The following RGPD1 variants were observed in gnomAD, a reference collection of about 807,000 sequenced individuals.
RGPD1 encodes the protein RANBP2-like and GRIP domain-containing protein 1.
In RGPD1, 7 loss-of-function variants were observed where a neutral mutation model predicts 40.6. The ratio of observed to expected loss-of-function variants is 0.17; its 90% CI spans 0.10 to 0.32. The LOEUF (loss-of-function observed/expected upper bound fraction) is 0.32. Ranked by LOEUF, RGPD1 falls within the 10% of genes least tolerant of loss-of-function variation. The pLI is 1.00. For missense variants in RGPD1, 50 were observed against 472.5 expected (o/e 0.11, Z 8.29); for synonymous variants, 24 against 167.0 (o/e 0.14, Z 6.60).
At chr2:86,924,722 C>G (rs1361416160) in intron 1 of RGPD1, among the ~76,000 whole-genome samples, 5 of 151,638 alleles carry the variant, frequency 3.3e-5, no homozygotes, top group African/African-American at 1.2e-4. Context: ...TCCTCCTGCC[C>G]CTATCTCCCA....
chr2:86,919,876 ACT>A (rs549141075), intron 1 of RGPD1, among the ~76,000 whole-genome samples: 1,156 of 144,968 alleles, frequency 8.0e-3, no homozygotes, highest in African/African-American at 0.03. Flanking sequence ...TTTGTTTACT[ACT>A]CTCTCTCTCC....
chr2:86,913,799 GC>G, upstream of RGPD1: 1 of 1,499,200 alleles, frequency 6.7e-7, no homozygotes. Flanking sequence ...GGCGACTGCT[GC>G]GGGGCTGAGC....
chr2:86,930,168 C>T (rs1678822615), intron 1 of RGPD1: 3 of 1,449,272 alleles, frequency 2.1e-6, no homozygotes, highest in Non-Finnish European at 2.8e-6. Flanking sequence ...TCACCCCTGC[C>T]CCAGACTCAC....
At chr2:86,941,162 T>TA (rs1441417275), upstream of RGPD1, among the ~76,000 whole-genome samples, 14 of 152,310 alleles carry the variant, frequency 9.2e-5, no homozygotes, top group Admixed American at 8.5e-4. Context: ...CTGTAATGTT[T>TA]ACACAAATGT....
chr2:86,997,044 T>A (rs1174957583), intron 21 of RGPD1, among the ~76,000 whole-genome samples: 1 of 148,152 alleles, frequency 6.7e-6, no homozygotes, highest in African/African-American at 2.6e-5. Context: ...ACCCTGTGCT[T>A]CTGAGACAAG....
upstream of RGPD1, among the ~76,000 whole-genome samples, chr2:86,939,668 T>C (rs1268728476): frequency 7.4e-6 from 1 of 134,738 alleles, no homozygotes; most frequent in Non-Finnish European, 1.6e-5. Context: ...GAATTAATGA[T>C]ACCATTTTTA....
intron 1 of RGPD1, among the ~76,000 whole-genome samples, chr2:86,943,821 G>T (rs1680111477): frequency 6.6e-6 from 1 of 152,124 alleles, no homozygotes; most frequent in African/African-American, 2.4e-5. Context: ...GACCAACCTG[G>T]CTAACATGTC....
chr2:86,918,614 C>A (rs1279033137), intron 1 of RGPD1, among the ~76,000 whole-genome samples: 2 of 148,494 alleles, frequency 1.3e-5, no homozygotes, highest in Non-Finnish European at 3.0e-5. Flanking sequence ...CGCCCGCCAC[C>A]ACGCCCGGCT....
chr2:86,913,833 G>T (rs1185828702), exon 1 of RGPD1: 10 of 1,568,162 alleles, frequency 6.4e-6, no homozygotes, highest in Non-Finnish European at 8.6e-6. Context: ...CGTCTCGGGA[G>T]CCAGGTTGGC....
At position 87,010,837 on chromosome 2, in the gene RGPD1, C is replaced by T. The variant is rs1682190820; in HGVS notation, c.5237-1676C>T. On this transcript the variant is annotated intron_variant, in intron 22 of 22. Coordinates refer to ENST00000641458, the MANE Select transcript of RGPD1 (RefSeq NM_001382344.1). Reference sequence around the variant, plus strand: ...TAGGAGAATCGCTTGAACCCGGAGGCGGAGGTTGTGGTGAGCTGAGATCGC... The same window carrying T: ...TAGGAGAATCGCTTGAACCCGGAGGTGGAGGTTGTGGTGAGCTGAGATCGC... 3.2e-5 allele frequency among the ~76,000 whole-genome samples: 2 copies of T among 61,928 alleles called. 1 individual carries two copies. Among genetic ancestry groups the T allele is most frequent in the Admixed American group, 2.8e-4 (2 of 7,210 alleles). 40.6% of individuals were successfully genotyped at this position (61,928 alleles called of 152,430 possible).
At chr2:86,951,873 G>GTTTT (rs71269535) in intron 2 of RGPD1, among the ~76,000 whole-genome samples, 1,423 of 50,818 alleles carry the variant, frequency 0.028, 45 homozygotes, top group East Asian at 0.062. Context: ...GGGAGGCAGG[G>GTTTT]TTTTTTTTTT....
In RGPD1 at chr2:86,934,750, G is replaced by A. The variant is rs189023937; in HGVS notation, c.73-16546G>A. ...CTTGGCTTGCGCCTGCTGGGTTTCC[G>A]AAGACATGTCCTATTCGGCTGGTTT... On this transcript the variant is annotated intron_variant, in intron 1 of 22. Transcript: ENST00000398193. 2.5e-3 allele frequency: 481 copies of A among 196,088 alleles called. 18 individuals are homozygous for A. The highest frequency in any genetic ancestry group is 9.7e-3 in the African/African-American group (403 of 41,734). 12.1% of individuals were successfully genotyped at this position (196,088 alleles called of 1,614,324 possible). A position where few individuals can be genotyped will look rare whatever the true frequency, so the allele number is the denominator to read the frequency against.
In RGPD1 at chr2:86,974,232, C is replaced by CA. The variant is rs1681280230; in HGVS notation, c.1435dup (p.Ile479AsnfsTer7). The CA allele has an allele frequency of 6.8e-7, 1 of 1,466,880 alleles. No homozygotes were observed. The highest frequency in any genetic ancestry group is 9.3e-7 in the Non-Finnish European group (1 of 1,073,888). 90.9% of individuals were successfully genotyped at this position (1,466,880 alleles called of 1,614,324 possible). ...AGGCTTGAAACAAATGCACCTGAAT[C>CA]AATATGTATTTTAGATCTTGAAGTA... On this transcript the variant is annotated frameshift_variant, in exon 10 of 23. Coordinates refer to ENST00000641458, the MANE Select transcript of RGPD1 (RefSeq NM_001382344.1). LOFTEE classifies it high-confidence loss of function.
At chr2:86,942,054 C>A (rs1387201548), upstream of RGPD1, among the ~76,000 whole-genome samples, 1 of 151,526 alleles carries the variant, frequency 6.6e-6, no homozygotes, top group South Asian at 2.1e-4. Flanking sequence ...AAGAGCCCGG[C>A]CGAGTGCAGC....
At chr2:86,960,690 T>C (rs11674268) in intron 6 of RGPD1, among the ~76,000 whole-genome samples, 25,332 of 88,768 alleles carry the variant, frequency 0.29, 5,057 homozygotes, top group African/African-American at 0.41. Flanking sequence ...CCAGGGTTCA[T>C]GCCATTCTCC....
intron 1 of RGPD1, chr2:86,913,946 C>T (rs1304195549): frequency 1.1e-5 from 14 of 1,312,062 alleles, no homozygotes; most frequent in Middle Eastern, 2.9e-4. Context: ...AAGAGACCGA[C>T]GGCCTCGACC....
At position 86,943,023 on chromosome 2, in the gene RGPD1, T is replaced by C. The variant is rs1470067704; in HGVS notation, c.72+715T>C. On this transcript the variant is annotated intron_variant, in intron 1 of 22. Transcript: ENST00000641458. ...TGCTGTATCGGCGGGTTTCTTCCCA[T>C]GTCCTGGACATTTACTTTATATGCT... Among the ~76,000 whole-genome samples the C allele has an allele frequency of 6.8e-3, 1,035 of 151,506 alleles. 6 individuals carry two copies. The highest frequency in any genetic ancestry group is 0.011 in the Non-Finnish European group (769 of 67,732).
rs1449251098 is a variant in RGPD1 at position 87,013,617 on chromosome 2, A to G, written c.*1070A>G. The G allele has an allele frequency of 4.5e-5, 1 of 22,248 alleles. No homozygotes were observed. The highest frequency in any genetic ancestry group is 7.3e-5 in the Non-Finnish European group (1 of 13,666). 1.4% of individuals were successfully genotyped at this position (22,248 alleles called of 1,614,324 possible). On this transcript the variant is annotated 3_prime_UTR_variant, in exon 23 of 23. Transcript: ENST00000641458. ...TCTATTTCTTCAGGCTCCCAGTGAT[A>G]TGAAAAAGTGCCAAACAGGACTATA...
chr2:86,942,585 C>G (rs1679940720), intron 1 of RGPD1, among the ~76,000 whole-genome samples: 1 of 121,832 alleles, frequency 8.2e-6, no homozygotes, highest in South Asian at 2.7e-4. Flanking sequence ...GCCTCGATGG[C>G]TCAGGCGTCA....
Sources: allele counts gnomAD v4.1 joint callset (sites outside exome capture counted in the v4.1 genomes callset), GRCh38; gene constraint gnomAD v4.1.1; transcripts MANE v1.5; gene names NCBI Gene and HGNC (gene_info 2026-07-23, HGNC 2026-07-21).